OTUD5: variants seen among roughly 807,000 people sequenced by gnomAD.
OTUD5 encodes OTU deubiquitinase 5.
In OTUD5, 2 loss-of-function variants were observed where a neutral mutation model predicts 36.3. That is an observed-to-expected ratio of 0.06 (90% CI 0.02 to 0.17). OTUD5 has a LOEUF of 0.17. Ranked by LOEUF, OTUD5 falls within the 10% of genes least tolerant of loss-of-function variation. The pLI, the probability that OTUD5 is intolerant of heterozygous loss-of-function variation, is 1.00. For missense variants in OTUD5, 233 were observed against 512.3 expected (o/e 0.45, Z 5.26); for synonymous variants, 234 against 214.9 (o/e 1.09, Z -0.78).
intron 1 of OTUD5, among the ~76,000 whole-genome samples, chrX:48,949,132 C>T (rs1226189093): frequency 1.5e-4 from 17 of 112,102 alleles, no homozygotes; most frequent in African/African-American, 5.2e-4. Flanking sequence ...CAGTAAGAGA[C>T]CACTTAATGA....
In OTUD5 at chrX:48,922,480, C is replaced by A; in HGVS notation, c.*694G>T. ...CCGCCCTGCCCTTGCCCAGTGCACA[C>A]CCTAGACCCTGGGCCGGCCTCCATG... On this transcript the variant is annotated 3_prime_UTR_variant, in exon 9 of 9. Coordinates refer to ENST00000376488, the MANE Select transcript of OTUD5 (RefSeq NM_001136157.2). The A allele has an allele frequency of 1.3e-6, 1 of 746,372 alleles. No homozygotes were observed. The highest frequency in any genetic ancestry group is 1.6e-6 in the Non-Finnish European group (1 of 632,008). 61.5% of individuals were successfully genotyped at this position (746,372 alleles called of 1,213,427 possible).
chrX:48,944,949 G>A (rs2063997142), intron 1 of OTUD5, among the ~76,000 whole-genome samples: 1 of 109,953 alleles, frequency 9.1e-6, no homozygotes, highest in Non-Finnish European at 1.9e-5. Flanking sequence ...TCGAACCCAG[G>A]AGGTAAGAGG....
At chrX:48,938,970 C>G (rs1428631034) in intron 2 of OTUD5, among the ~76,000 whole-genome samples, 1 of 111,855 alleles carries the variant, frequency 8.9e-6, no homozygotes, top group African/African-American at 3.3e-5. Context: ...AGGGGGTCCC[C>G]CACCATTCTA....
chrX:48,957,697 G>A (rs1425227655), upstream of OTUD5: 313 of 796,125 alleles, frequency 3.9e-4, no homozygotes, highest in Non-Finnish European at 4.4e-4. Context: ...AGGGATCGCG[G>A]CACCGGTTCG....
In OTUD5 at chrX:48,946,841, G is replaced by A. The variant is rs1322217893; in HGVS notation, c.595-2558C>T. On this transcript the variant is annotated intron_variant, in intron 1 of 8. Transcript: ENST00000376488. The stretch of plus-strand genomic sequence containing the variant: ...CACAGCGACTTCCTGGCTTTGGAGA[G>A]AGGGGAAAAAGAGAGGAGAAAAGGA... Among the ~76,000 whole-genome samples, 4 of 112,431 alleles carry A rather than the reference G, an allele frequency of 3.6e-5. No homozygotes were observed. In the East Asian group the frequency reaches 8.3e-4, roughly 23 times the overall value.
Position 48,923,261 on chromosome X carries a change from A to C in OTUD5, c.1614T>G (p.Ala538=), listed in dbSNP as rs1250741230. 6.6e-6 allele frequency: 8 copies of C among 1,209,562 alleles called. No individual in the cohort carries two copies. The highest frequency in any genetic ancestry group is 8.9e-6 in the Non-Finnish European group (8 of 894,032). The stretch of plus-strand genomic sequence containing the variant: ...CCTGTTGGGACACTGCCAGCACCGA[A>C]GCTAGGATCTCATCATCATCCCAGT... ...LNDWDDDEIL[A]SVLAVSQQEY... is the part of the protein sequence containing the mutation. The change falls in exon 9 of 9, where the codon GCT becomes GCG. Residue 538 remains alanine (A), a synonymous_variant. Coordinates refer to ENST00000376488, the MANE Select transcript of OTUD5 (RefSeq NM_001136157.2).
rs782100448 is a variant in OTUD5 at position 48,941,713 on chromosome X, C to A, written c.688+2477G>T. Reference sequence around the variant, plus strand: ...AACTCTCTGCTCCACGTTCCTTCCACTATTCAACACATGGCAGGAAGTCAG... The same window carrying A: ...AACTCTCTGCTCCACGTTCCTTCCAATATTCAACACATGGCAGGAAGTCAG... On this transcript the variant is annotated intron_variant, in intron 2 of 8. Coordinates refer to ENST00000376488, the MANE Select transcript of OTUD5 (RefSeq NM_001136157.2). Among the ~76,000 whole-genome samples, 4 of 111,441 alleles carry A rather than the reference C, an allele frequency of 3.6e-5. No homozygotes were observed. The South Asian group carries it at 1.1e-3, about 31-fold the overall frequency.
At chrX:48,938,762 C>T (rs1381572006) in intron 2 of OTUD5, among the ~76,000 whole-genome samples, 3 of 111,590 alleles carry the variant, frequency 2.7e-5, no homozygotes, top group Non-Finnish European at 5.7e-5. Context: ...GAAAGCCCTC[C>T]TCTTCCCAGA....
chrX:48,932,160 T>C (rs1557048978), intron 5 of OTUD5, among the ~76,000 whole-genome samples: 1 of 55,103 alleles, frequency 1.8e-5, no homozygotes, highest in East Asian at 7.4e-4. Flanking sequence ...AAAAAAAAGA[T>C]GATAATAATA....
At chrX:48,951,357 G>A (rs1275056593) in intron 1 of OTUD5, among the ~76,000 whole-genome samples, 3 of 112,325 alleles carry the variant, frequency 2.7e-5, no homozygotes, top group Non-Finnish European at 5.6e-5. Context: ...GCTCACGCCT[G>A]TAATCCCAGC....
At chrX:48,942,997 C>T (rs1569515514) in intron 2 of OTUD5, among the ~76,000 whole-genome samples, 1 of 110,691 alleles carries the variant, frequency 9.0e-6, no homozygotes, top group Non-Finnish European at 1.9e-5. Context: ...ATGGGGGGTA[C>T]CCACAGACGG....
rs1450342916 is a variant in OTUD5, at chrX:48,923,951, C to T, written c.1365G>A (p.Ser455=). The change falls in exon 7 of 9, where the codon TCG becomes TCA. Residue 455 remains serine, a synonymous_variant. Coordinates refer to ENST00000376488, the MANE Select transcript of OTUD5 (RefSeq NM_001136157.2). ...CATGCAGCTCAGGGTGCTCAGGTGACGAGGCTGAACTCCGCTGCCGCGGGG... is the reference window on the plus strand; with the variant it reads ...CATGCAGCTCAGGGTGCTCAGGTGATGAGGCTGAACTCCGCTGCCGCGGGG... ...SRSPRQRSSA[S]SPEHPELHAE... 13 of 1,209,615 alleles carry T rather than the reference C, an allele frequency of 1.1e-5. No individual in the cohort carries two copies. The highest frequency in any genetic ancestry group is 3.5e-5 in the South Asian group (2 of 56,693).
At chrX:48,942,645 T>C (rs1356357340) in intron 2 of OTUD5, among the ~76,000 whole-genome samples, 3 of 108,242 alleles carry the variant, frequency 2.8e-5, no homozygotes, top group African/African-American at 6.7e-5. Context: ...TTTTTCCCAG[T>C]CCAATAGAGC....
intron 3 of OTUD5, 31 bp from the exon 4 acceptor site, chrX:48,934,898 T>C (rs1557049579): frequency 2.5e-6 from 3 of 1,205,534 alleles, no homozygotes; most frequent in Non-Finnish European, 3.4e-6. Flanking sequence ...TTAAGGTCTG[T>C]GTGGAGAAGA....
chrX:48,926,438 C>T (rs2063667951), intron 5 of OTUD5, among the ~76,000 whole-genome samples: 1 of 110,100 alleles, frequency 9.1e-6, no homozygotes, highest in South Asian at 3.9e-4. Flanking sequence ...GCAACCTCCG[C>T]CTCCCAGGTT....
At chrX:48,939,862 G>A (rs2063891023) in intron 2 of OTUD5, 1 of 112,859 alleles carries the variant, frequency 8.9e-6, no homozygotes, top group African/African-American at 3.2e-5. Flanking sequence ...AGAGACATCT[G>A]AGAACTGCCT....
In OTUD5 at chrX:48,926,370, A is replaced by G. The variant is rs1557047767; in HGVS notation, c.1060-320T>C. Among the ~76,000 whole-genome samples, 2 of 103,889 alleles carry G rather than the reference A, an allele frequency of 1.9e-5. 1 individual carries two copies. Among genetic ancestry groups the G allele is most frequent in the South Asian group, 8.6e-4 (2 of 2,321 alleles). 90.2% of individuals were successfully genotyped at this position (103,889 alleles called of 115,157 possible). A position where few individuals can be genotyped will look rare whatever the true frequency, so the allele number is the denominator to read the frequency against. ...GGACTTATTTTTTTTTTTTTTTCTG[A>G]GACGAAGTATCGCTCTGTCGCCCAG... On this transcript the variant is annotated intron_variant, in intron 5 of 8. Transcript: ENST00000376488.
intron 8 of OTUD5, 70 bp from the exon 9 acceptor site, chrX:48,923,365 G>A (rs782567267): frequency 1.4e-5 from 12 of 857,251 alleles, no homozygotes; most frequent in Admixed American, 9.7e-5. Flanking sequence ...ACCCTGTGCC[G>A]ACATCTGGGG....
intron 1 of OTUD5, among the ~76,000 whole-genome samples, chrX:48,954,986 G>A: frequency 8.9e-6 from 1 of 111,900 alleles, no homozygotes; most frequent in East Asian, 2.8e-4. Flanking sequence ...GGGAGAGGAT[G>A]ACCTCACGTT....
Sources: gnomAD v4.1 joint callset for allele counts (sites outside exome capture counted in the v4.1 genomes callset) on GRCh38, gnomAD v4.1.1 for gene constraint, MANE v1.5 for transcripts, NCBI Gene and HGNC (gene_info 2026-07-23, HGNC 2026-07-21) for gene names.